The following IGF2BP2 variants were observed in gnomAD, a reference collection of about 807,000 sequenced individuals.
The protein encoded by IGF2BP2 is insulin like growth factor 2 mRNA binding protein 2, also known as insulin-like growth factor 2 mRNA-binding protein 2.
In IGF2BP2, 17 loss-of-function variants were observed where a neutral mutation model predicts 75.8. The ratio of observed to expected loss-of-function variants is 0.22; its 90% confidence interval spans 0.15 to 0.34. IGF2BP2 has a LOEUF of 0.34. IGF2BP2 is among the 10% of genes least tolerant of loss of function. The pLI is 1.00. For missense variants in IGF2BP2, 516 were observed against 772.4 expected (o/e 0.67, Z 3.93); for synonymous variants, 288 against 295.6 (o/e 0.97, Z 0.26).
intron 2 of IGF2BP2, chr3:185,722,540 G>A (rs540634980): frequency 4.1e-5 from 11 of 265,494 alleles, no homozygotes; most frequent in Non-Finnish European, 5.9e-5. Flanking sequence ...GGAAGTAAGT[G>A]ATATGGTGGG....
intron 13 of IGF2BP2, among the ~76,000 whole-genome samples, chr3:185,651,622 T>C (rs1714619551): frequency 6.6e-6 from 1 of 152,210 alleles, no homozygotes; most frequent in Non-Finnish European, 1.5e-5. Context: ...AATAAATATG[T>C]GTTTCTCACT....
intron 2 of IGF2BP2, among the ~76,000 whole-genome samples, chr3:185,726,643 C>G (rs1727369213): frequency 2.0e-5 from 3 of 152,144 alleles, no homozygotes; most frequent in African/African-American, 7.2e-5. Context: ...CTCCAGCATT[C>G]CTGGGAGGTA....
chr3:185,660,563 G>A (rs1043940647), intron 10 of IGF2BP2, among the ~76,000 whole-genome samples: 3 of 152,210 alleles, frequency 2.0e-5, no homozygotes, highest in Non-Finnish European at 4.4e-5. Flanking sequence ...GCTGTAGTGA[G>A]AGCCTTGCTT....
chr3:185,769,757 A>T lies in IGF2BP2; in HGVS notation c.239+53396T>A, dbSNP rs1394230686. Among the ~76,000 whole-genome samples, 6 of 142,030 alleles carry T rather than the reference A, an allele frequency of 4.2e-5. No homozygotes were observed. The East Asian group carries it at 1.4e-3, about 32-fold the overall frequency. 93.2% of individuals were successfully genotyped at this position (142,030 alleles called of 152,430 possible). ...GGTGGAAGGATCGATTGAGCCCAGG[A>T]GGTCAATGCTGCAGTGAACTGTGGT... On this transcript the variant is annotated intron_variant, in intron 2 of 15. Transcript: ENST00000382199.
At chr3:185,730,642 C>T (rs1483335650) in intron 2 of IGF2BP2, among the ~76,000 whole-genome samples, 2 of 152,056 alleles carry the variant, frequency 1.3e-5, no homozygotes, top group Admixed American at 1.3e-4. Flanking sequence ...CCATGTTGGT[C>T]AGGCTCGTCT....
At chr3:185,765,922 G>A (rs894219352) in intron 2 of IGF2BP2, among the ~76,000 whole-genome samples, 1 of 152,208 alleles carries the variant, frequency 6.6e-6, no homozygotes. Context: ...CCAAAGAAGG[G>A]AATGAGGCAG....
In IGF2BP2 at chr3:185,716,245, T is replaced by C. The variant is rs552096214; in HGVS notation, c.240-17898A>G. ...CATCAAAGTAATGCTCTTAGAAAAG[T>C]ATTTACTTATTCCGACAATGATTCC... is the stretch of plus-strand genomic sequence containing the variant. On this transcript the variant is annotated intron_variant, in intron 2 of 15. Transcript: ENST00000382199. 5.3e-5 allele frequency among the ~76,000 whole-genome samples: 8 copies of C among 152,218 alleles called. No individual in the cohort carries two copies. The South Asian group carries it at 1.2e-3, about 24-fold the overall frequency.
At chr3:185,713,723 T>C (rs1209035251) in intron 2 of IGF2BP2, among the ~76,000 whole-genome samples, 3 of 152,224 alleles carry the variant, frequency 2.0e-5, no homozygotes, top group Admixed American at 6.5e-5. Flanking sequence ...TCTTTTGAGA[T>C]GGACTCCTGC....
chr3:185,687,405 G>A (rs1023671945), intron 6 of IGF2BP2, among the ~76,000 whole-genome samples: 6 of 152,350 alleles, frequency 3.9e-5, no homozygotes, highest in Non-Finnish European at 7.3e-5. Flanking sequence ...TCATTTAGAA[G>A]GGAACGGTTC....
At chr3:185,722,741 A>G (rs1726755750) in intron 2 of IGF2BP2, among the ~76,000 whole-genome samples, 1 of 152,190 alleles carries the variant, frequency 6.6e-6, no homozygotes, top group Non-Finnish European at 1.5e-5. Flanking sequence ...GCGGGTAGAG[A>G]ACTCTGGCCT....
chr3:185,756,660 A>G (rs944130252), intron 2 of IGF2BP2, among the ~76,000 whole-genome samples: 2 of 152,132 alleles, frequency 1.3e-5, no homozygotes, highest in South Asian at 4.1e-4. Context: ...TGTTTTGATA[A>G]TCTTTCTCTG....
At chr3:185,690,007 G>C (rs1721735255) in intron 5 of IGF2BP2, among the ~76,000 whole-genome samples, 1 of 151,762 alleles carries the variant, frequency 6.6e-6, no homozygotes, top group Non-Finnish European at 1.5e-5. Context: ...CGCAAGACTG[G>C]TTCATTCACT....
chr3:185,794,014 A>G (rs145701603), intron 2 of IGF2BP2, among the ~76,000 whole-genome samples: 6 of 143,836 alleles, frequency 4.2e-5, no homozygotes, highest in Admixed American at 3.7e-4. Flanking sequence ...GCTAGAGTGC[A>G]GTGGTACAAA....
chr3:185,777,810 G>A (rs1210463771), intron 2 of IGF2BP2, among the ~76,000 whole-genome samples: 2 of 152,154 alleles, frequency 1.3e-5, no homozygotes, highest in African/African-American at 4.8e-5. Context: ...GGGAGGCCAA[G>A]GCAGGCAGAT....
At chr3:185,677,544 C>T (rs530707832) in intron 7 of IGF2BP2, among the ~76,000 whole-genome samples, 2 of 152,220 alleles carry the variant, frequency 1.3e-5, no homozygotes, top group East Asian at 1.9e-4. Flanking sequence ...AACAAAAAAA[C>T]TTACTAGGCA....
At chr3:185,769,538 C>G (rs1157572603) in intron 2 of IGF2BP2, among the ~76,000 whole-genome samples, 2 of 152,012 alleles carry the variant, frequency 1.3e-5, no homozygotes, top group African/African-American at 4.8e-5. Flanking sequence ...AAATCATGGT[C>G]TCCAAAGATT....
rs1724594373 is a variant in IGF2BP2 at position 185,710,151 on chromosome 3, G to C, written c.240-11804C>G. The stretch of plus-strand genomic sequence containing the variant: ...TGCCTTTTCCTAGCTCGTAGTTTTA[G>C]ATTTTTTTTTTTTTTTTTTTTTTTG... On this transcript the variant is annotated intron_variant, in intron 2 of 15. Coordinates refer to ENST00000382199, the MANE Select transcript of IGF2BP2 (RefSeq NM_006548.6). 1.7e-5 allele frequency among the ~76,000 whole-genome samples: 2 copies of C among 117,988 alleles called. 1 individual carries two copies. Among genetic ancestry groups the C allele is most frequent in the African/African-American group, 6.5e-5 (2 of 30,558 alleles). The allele number at this position is 117,988 out of a possible 152,430, so 77.4% of individuals were successfully genotyped here. A position where few individuals can be genotyped will look rare whatever the true frequency, so the allele number is the denominator to read the frequency against.
intron 7 of IGF2BP2, among the ~76,000 whole-genome samples, chr3:185,678,389 G>C (rs1719870572): frequency 6.6e-6 from 1 of 152,140 alleles, no homozygotes; most frequent in South Asian, 2.1e-4. Context: ...AAGATTCCCA[G>C]ATAAATAAAA....
At chr3:185,719,313 T>G (rs1726145382) in intron 2 of IGF2BP2, among the ~76,000 whole-genome samples, 1 of 152,168 alleles carries the variant, frequency 6.6e-6, no homozygotes. Context: ...TGCATATCTT[T>G]GATGAACAGT....
Sources: gnomAD v4.1 joint callset for allele counts (sites outside exome capture counted in the v4.1 genomes callset) on GRCh38, gnomAD v4.1.1 for gene constraint, MANE v1.5 for transcripts, NCBI Gene and HGNC (gene_info 2026-07-23, HGNC 2026-07-21) for gene names.